PTPN9: variants seen among roughly 807,000 people sequenced by gnomAD.
PTPN9 encodes tyrosine-protein phosphatase non-receptor type 9.
PTPN9 carries 26 observed loss-of-function variants against 69.8 expected under a neutral mutation model. That is an observed-to-expected ratio of 0.37 (90% CI 0.27 to 0.52). PTPN9 has a LOEUF of 0.52. Among genes scored for constraint, PTPN9 ranks in the 20% least tolerant of loss-of-function variants. PTPN9 has a pLI of 0.91. For synonymous variants in PTPN9, 274 were observed against 272.5 expected (o/e 1.01, Z -0.05); for missense variants, 549 against 740.3 (o/e 0.74, Z 3.00).
Position 75,522,876 on chromosome 15 carries a change from G to A in PTPN9, c.422+245C>T, listed in dbSNP as rs182071228. Among the ~76,000 whole-genome samples the A allele has an allele frequency of 1.8e-3, 275 of 152,238 alleles. 2 individuals carry two copies. Among genetic ancestry groups the A allele is most frequent in the Non-Finnish European group, 3.1e-3 (213 of 68,030 alleles). ...AGTTTTCCATACACTGAAGATTGCC[G>A]ATAATTGACTTTCTCAGCTTCTGTT... On this transcript the variant is annotated intron_variant, in intron 4 of 12. Transcript: ENST00000618819.
intron 4 of PTPN9, among the ~76,000 whole-genome samples, chr15:75,519,227 G>C (rs992874864): frequency 6.6e-6 from 1 of 152,158 alleles, no homozygotes; most frequent in Non-Finnish European, 1.5e-5. Flanking sequence ...TTCTGCCTCA[G>C]CCTCCCGAGT....
intron 1 of PTPN9, among the ~76,000 whole-genome samples, chr15:75,576,587 A>C (rs1300750021): frequency 3.3e-5 from 5 of 150,824 alleles, no homozygotes; most frequent in Non-Finnish European, 7.4e-5. Context: ...AGGCGGGCAG[A>C]TCATGAGGTC....
chr15:75,575,646 G>A (rs947863747), intron 1 of PTPN9, among the ~76,000 whole-genome samples: 20 of 151,734 alleles, frequency 1.3e-4, no homozygotes, highest in Admixed American at 1.1e-3. Flanking sequence ...TTGGCTGGGC[G>A]CGGTGGTTCA....
intron 5 of PTPN9, chr15:75,513,289 T>G (rs1269838207): frequency 2.2e-6 from 1 of 456,134 alleles, no homozygotes; most frequent in Non-Finnish European, 4.4e-6. Flanking sequence ...ATTTAGGTCC[T>G]GAAATAAATT....
intron 8 of PTPN9, among the ~76,000 whole-genome samples, chr15:75,484,994 CTAAA>C (rs1320566944): frequency 2.6e-5 from 4 of 152,158 alleles, no homozygotes; most frequent in Admixed American, 2.0e-4. Context: ...GTTTCTTTGA[CTAAA>C]TAAATAGTGG....
intron 9 of PTPN9, 38 bp from the exon 10 acceptor site, chr15:75,473,805 G>A (rs748130027): frequency 6.7e-7 from 1 of 1,491,380 alleles, no homozygotes; most frequent in South Asian, 1.1e-5. Flanking sequence ...ATGACTCTGG[G>A]AAACACTTTT....
chr15:75,503,310 C>T (rs2141307523), intron 7 of PTPN9, among the ~76,000 whole-genome samples: 1 of 142,024 alleles, frequency 7.0e-6, no homozygotes, highest in African/African-American at 2.7e-5. Context: ...ATGTGAGGAG[C>T]TCCTCTGCCC....
chr15:75,530,888 T>A (rs1352163408), intron 1 of PTPN9, among the ~76,000 whole-genome samples: 4 of 115,682 alleles, frequency 3.5e-5, no homozygotes, highest in Admixed American at 2.7e-4. Context: ...TTATATATTA[T>A]TATATATTAT....
intron 9 of PTPN9, among the ~76,000 whole-genome samples, chr15:75,476,802 T>TTCCACATCTCTGACCCTCAGCCTCA (rs1207798776): frequency 6.6e-6 from 1 of 152,198 alleles, no homozygotes; most frequent in Admixed American, 6.5e-5. Flanking sequence ...AGGACACCTT[T>TTCCACATCTCTGACCCTCAGCCTCA]TCCACATCTC....
intron 7 of PTPN9, among the ~76,000 whole-genome samples, chr15:75,493,823 C>A (rs976857427): frequency 6.6e-6 from 1 of 151,924 alleles, no homozygotes; most frequent in African/African-American, 2.4e-5. Flanking sequence ...TTAAGAGAAT[C>A]ATTCTGGGAC....
intron 8 of PTPN9, among the ~76,000 whole-genome samples, chr15:75,489,628 G>C (rs2074698297): frequency 6.6e-6 from 1 of 152,042 alleles, no homozygotes; most frequent in African/African-American, 2.4e-5. Context: ...AGACACTAAA[G>C]TTAAAGGTGT....
chr15:75,523,066 A>G (rs1389913377), intron 4 of PTPN9, 55 bp downstream of exon 4: 5 of 1,596,402 alleles, frequency 3.1e-6, no homozygotes, highest in Non-Finnish European at 4.3e-6. Flanking sequence ...CAAGTAAAAA[A>G]CTGTCACTTT....
chr15:75,527,362 C>G, intron 1 of PTPN9, 101 bp from the exon 2 acceptor site: 2 of 1,358,632 alleles, frequency 1.5e-6, no homozygotes, highest in Middle Eastern at 3.7e-4. Flanking sequence ...CCAAGCAAGT[C>G]TGAACCCAGT....
chr15:75,489,348 G>A (rs947858143), intron 8 of PTPN9, among the ~76,000 whole-genome samples: 1 of 152,108 alleles, frequency 6.6e-6, no homozygotes, highest in African/African-American at 2.4e-5. Flanking sequence ...CAGCACTTAG[G>A]GAGGCTGAGG....
intron 7 of PTPN9, among the ~76,000 whole-genome samples, chr15:75,504,289 G>A (rs1595955372): frequency 1.6e-5 from 2 of 127,158 alleles, no homozygotes; most frequent in African/African-American, 3.0e-5. Flanking sequence ...CAGCCGCCCC[G>A]TCCGGGAGGT....
chr15:75,476,325 T>G (rs2074595978), intron 9 of PTPN9, among the ~76,000 whole-genome samples: 1 of 151,884 alleles, frequency 6.6e-6, no homozygotes, highest in African/African-American at 2.4e-5. Flanking sequence ...TTTAGTTTTG[T>G]TTTTTTTGAG....
At chr15:75,480,332 C>T (rs1322699068) in intron 8 of PTPN9, among the ~76,000 whole-genome samples, 3 of 152,114 alleles carry the variant, frequency 2.0e-5, no homozygotes, top group Admixed American at 1.3e-4. Context: ...ATGCCAGGCG[C>T]GGTGGCTCAC....
intron 1 of PTPN9, among the ~76,000 whole-genome samples, chr15:75,563,950 T>A (rs897654073): frequency 6.6e-6 from 1 of 152,066 alleles, no homozygotes; most frequent in African/African-American, 2.4e-5. Flanking sequence ...CGATAAAGAA[T>A]TGATAAAAAA....
chr15:75,500,601 G>T (rs145636287), intron 7 of PTPN9, among the ~76,000 whole-genome samples: 314 of 152,168 alleles, frequency 2.1e-3, no homozygotes, highest in Non-Finnish European at 3.9e-3. Context: ...GATATAAACA[G>T]GGAGTCTGGT....
Sources: allele counts gnomAD v4.1 joint callset (sites outside exome capture counted in the v4.1 genomes callset), GRCh38; gene constraint gnomAD v4.1.1; transcripts MANE v1.5; gene names NCBI Gene and HGNC (gene_info 2026-07-23, HGNC 2026-07-21).